LHFPL3: variants seen among roughly 807,000 people sequenced by gnomAD.
LHFPL3 encodes LHFPL tetraspan subfamily member 3 protein.
Under a neutral mutation model 19.3 loss-of-function variants are expected in LHFPL3, and 5 were observed. That is an observed-to-expected ratio of 0.26 (90% CI 0.14 to 0.54). LHFPL3 has a LOEUF of 0.54. Among genes scored for constraint, LHFPL3 ranks in the 20% least tolerant of loss-of-function variants. LHFPL3 has a pLI of 0.94. For missense variants in LHFPL3, 249 were observed against 307.4 expected, an observed-to-expected ratio of 0.81 and a Z score of 1.42; for synonymous variants, 133 against 126.2, an observed-to-expected ratio of 1.05 and a Z score of -0.36.
intron 1 of LHFPL3, among the ~76,000 whole-genome samples, chr7:104,649,811 C>T (rs1175955178): frequency 6.6e-6 from 1 of 152,140 alleles, no homozygotes; most frequent in Non-Finnish European, 1.5e-5. Context: ...TGGAGAGGTC[C>T]ACTTAAGATG....
At chr7:104,394,068 G>A (rs1223115813) in intron 1 of LHFPL3, among the ~76,000 whole-genome samples, 1 of 152,172 alleles carries the variant, frequency 6.6e-6, no homozygotes, top group Non-Finnish European at 1.5e-5. Context: ...ATGTTAATTT[G>A]TACACTTTAA....
intron 1 of LHFPL3, among the ~76,000 whole-genome samples, chr7:104,398,877 C>T (rs865831926): frequency 1.2e-4 from 18 of 152,198 alleles, no homozygotes; most frequent in African/African-American, 3.6e-4. Context: ...TTAGAAGCTA[C>T]GTGTCCCCAT....
At chr7:104,823,550 A>T (rs991928279) in intron 2 of LHFPL3, among the ~76,000 whole-genome samples, 6 of 152,286 alleles carry the variant, frequency 3.9e-5, no homozygotes, top group Non-Finnish European at 8.8e-5. Flanking sequence ...GAATTTTTAT[A>T]TGAAAATTGT....
intron 1 of LHFPL3, among the ~76,000 whole-genome samples, chr7:104,567,214 C>A (rs529083009): frequency 1.3e-5 from 2 of 152,252 alleles, no homozygotes; most frequent in African/African-American, 2.4e-5. Flanking sequence ...AATTTCATTT[C>A]TTTTACCAAT....
At chr7:104,430,405 C>CGTGTATATATATATACATGTATAT (rs1554393164) in intron 1 of LHFPL3, among the ~76,000 whole-genome samples, 1 of 22,456 alleles carries the variant, frequency 4.5e-5, no homozygotes, top group African/African-American at 1.9e-4. Context: ...TATATATATA[C>CGTGTATATATATATACATGTATAT]ATATATATAT....
intron 2 of LHFPL3, among the ~76,000 whole-genome samples, chr7:104,814,172 T>C (rs1215918351): frequency 6.6e-6 from 1 of 152,070 alleles, no homozygotes; most frequent in Non-Finnish European, 1.5e-5. Context: ...GGGTAGCTCC[T>C]CTCTGCTAGG....
At chr7:104,654,090 A>G (rs970409245) in intron 1 of LHFPL3, among the ~76,000 whole-genome samples, 4 of 152,156 alleles carry the variant, frequency 2.6e-5, no homozygotes, top group African/African-American at 9.7e-5. Flanking sequence ...AAGCAAAACC[A>G]TAAGTAGGCA....
At chr7:104,788,940 C>G (rs917218749) in intron 2 of LHFPL3, among the ~76,000 whole-genome samples, 2 of 152,208 alleles carry the variant, frequency 1.3e-5, no homozygotes, top group African/African-American at 4.8e-5. Flanking sequence ...TAAGAAGGCA[C>G]CACCATTTCC....
At chr7:104,854,098 T>A (rs75737381) in intron 2 of LHFPL3, among the ~76,000 whole-genome samples, 14,750 of 152,146 alleles carry the variant, frequency 0.097, 929 homozygotes, top group Non-Finnish European at 0.15. Flanking sequence ...AAACAGAAGT[T>A]TAAGAACATA....
intron 1 of LHFPL3, among the ~76,000 whole-genome samples, chr7:104,553,580 A>T (rs981242242): frequency 6.6e-6 from 1 of 152,196 alleles, no homozygotes; most frequent in Non-Finnish European, 1.5e-5. Flanking sequence ...ATATGAATCT[A>T]AAATGCAAGC....
chr7:104,366,970 G>A (rs1040999385), intron 1 of LHFPL3, among the ~76,000 whole-genome samples: 3 of 152,136 alleles, frequency 2.0e-5, no homozygotes, highest in African/African-American at 4.8e-5. Context: ...AAGTGTGGAT[G>A]GTTGTTAATT....
intron 2 of LHFPL3, among the ~76,000 whole-genome samples, chr7:104,776,291 A>C (rs2116410884): frequency 6.6e-6 from 1 of 152,348 alleles, no homozygotes; most frequent in Middle Eastern, 3.4e-3. Flanking sequence ...CAATTTCTAG[A>C]AACCACACCC....
intron 1 of LHFPL3, among the ~76,000 whole-genome samples, chr7:104,448,221 A>C (rs1291297081): frequency 6.6e-6 from 1 of 152,168 alleles, no homozygotes; most frequent in Non-Finnish European, 1.5e-5. Context: ...AGGAGTTTTG[A>C]ATAATGAAAA....
At chr7:104,606,289 G>A (rs1272948896) in intron 1 of LHFPL3, among the ~76,000 whole-genome samples, 1 of 152,190 alleles carries the variant, frequency 6.6e-6, no homozygotes, top group East Asian at 1.9e-4. Flanking sequence ...AGAGAGCAGC[G>A]AGTAAGATTT....
intron 1 of LHFPL3, among the ~76,000 whole-genome samples, chr7:104,486,814 T>C (rs1045064886): frequency 6.6e-6 from 1 of 152,218 alleles, no homozygotes; most frequent in Non-Finnish European, 1.5e-5. Flanking sequence ...TTTAGTTGTT[T>C]TTCCCTAACT....
chr7:104,559,938 CAT>C (rs1392725452), intron 1 of LHFPL3, among the ~76,000 whole-genome samples: 2 of 149,824 alleles, frequency 1.3e-5, no homozygotes, highest in East Asian at 3.9e-4. Flanking sequence ...TTGAGATAAT[CAT>C]GTGGTTTTTG....
chr7:104,906,157 T>C, intron 2 of LHFPL3, 30 bp from the exon 3 acceptor site: 1 of 1,605,614 alleles, frequency 6.2e-7, no homozygotes, highest in Non-Finnish European at 8.5e-7. Context: ...CCCCCACCCT[T>C]TTTCTCTCTC....
intron 1 of LHFPL3, among the ~76,000 whole-genome samples, chr7:104,381,388 A>T (rs1041767804): frequency 6.6e-6 from 1 of 152,170 alleles, no homozygotes; most frequent in African/African-American, 2.4e-5. Context: ...TTTCCATGTT[A>T]TGCTATTCAC....
intron 1 of LHFPL3, among the ~76,000 whole-genome samples, chr7:104,418,872 G>C (rs1351424074): frequency 2.6e-5 from 4 of 152,334 alleles, no homozygotes; most frequent in Non-Finnish European, 5.9e-5. Flanking sequence ...TCCTTCTGCT[G>C]TGTCAGGCAC....
Sources: gnomAD v4.1 joint callset for allele counts (sites outside exome capture counted in the v4.1 genomes callset) on GRCh38, gnomAD v4.1.1 for gene constraint, MANE v1.5 for transcripts, NCBI Gene and HGNC (gene_info 2026-07-23, HGNC 2026-07-21) for gene names.